Variants in MSR1 observed in about 807,000 individuals in gnomAD.
MSR1 encodes macrophage scavenger receptor types I and II.
In MSR1, 53 loss-of-function variants were observed where a neutral mutation model predicts 47.2. That is an observed-to-expected ratio of 1.12 (90% CI 0.90 to 1.41). The LOEUF (loss-of-function observed/expected upper bound fraction) is 1.41. Among genes scored for constraint, MSR1 ranks in the 40% most tolerant of loss-of-function variants. The pLI, the probability that MSR1 is intolerant of heterozygous loss-of-function variation, is 0.00. For missense variants in MSR1, 786 were observed against 546.9 expected, an observed-to-expected ratio of 1.44 and a Z score of -4.36; for synonymous variants, 239 against 185.6, an observed-to-expected ratio of 1.29 and a Z score of -2.34.
chr8:16,189,593 TTA>T (rs1168015419), intron 1 of MSR1, among the ~76,000 whole-genome samples: 5 of 78,880 alleles, frequency 6.3e-5, no homozygotes, highest in African/African-American at 9.2e-5. Flanking sequence ...TATATATATT[TTA>T]TATATATATA....
intron 5 of MSR1, among the ~76,000 whole-genome samples, chr8:16,156,715 T>C (rs1014143017): frequency 9.2e-5 from 14 of 151,852 alleles, no homozygotes; most frequent in Admixed American, 2.6e-4. Flanking sequence ...ATTTTTTTTT[T>C]CCACATAATC....
intron 8 of MSR1, among the ~76,000 whole-genome samples, chr8:16,134,307 G>A (rs1800337266): frequency 6.6e-6 from 1 of 152,022 alleles, no homozygotes; most frequent in South Asian, 2.1e-4. Context: ...TAATAAGCTA[G>A]CTTGTTTTAG....
At chr8:16,191,214 T>A (rs1004056897) in intron 1 of MSR1, among the ~76,000 whole-genome samples, 8 of 152,136 alleles carry the variant, frequency 5.3e-5, no homozygotes, top group Non-Finnish European at 1.2e-4. Flanking sequence ...TAAGACAGAT[T>A]TTAGTAAGAA....
At position 16,152,921 on chromosome 8, in the gene MSR1, A is replaced by T. The variant is rs189602668; in HGVS notation, c.898+2143T>A. ...CTCAGCACATAGTTTTTGAGTGAAA[A>T]GTGATAGGTCATTCTCCCTAGCATG... On this transcript the variant is annotated intron_variant, in intron 6 of 9. Coordinates refer to ENST00000262101, the MANE Select transcript of MSR1 (RefSeq NM_138715.3). Among the ~76,000 whole-genome samples the T allele has an allele frequency of 1.6e-3, 244 of 152,186 alleles. 2 individuals carry two copies. The Middle Eastern group carries it at 0.031, about 19-fold the overall frequency.
chr8:16,150,173 A>ATAT (rs1554468255), intron 7 of MSR1, 58 bp downstream of exon 7: 7 of 316,878 alleles, frequency 2.2e-5, no homozygotes, highest in African/African-American at 1.3e-4. Flanking sequence ...TATATATATA[A>ATAT]AATTATCTGG....
At chr8:16,153,974 A>G (rs1486891292) in intron 6 of MSR1, among the ~76,000 whole-genome samples, 1 of 151,984 alleles carries the variant, frequency 6.6e-6, no homozygotes, top group Admixed American at 6.6e-5. Context: ...TTGGCATATT[A>G]TATATATGGG....
intron 5 of MSR1, among the ~76,000 whole-genome samples, chr8:16,160,234 T>C (rs1207808704): frequency 6.6e-6 from 1 of 151,942 alleles, no homozygotes; most frequent in Admixed American, 6.6e-5. Context: ...ATAAGAATAA[T>C]TTATACGAGG....
At position 16,155,130 on chromosome 8, in the gene MSR1, G is replaced by C. The variant is rs757821795; in HGVS notation, c.832C>G (p.Pro278Ala). 6.2e-7 allele frequency: 1 copy of C among 1,611,736 alleles called. No individual in the cohort carries two copies. Among genetic ancestry groups the C allele is most frequent in the East Asian group, 2.2e-5 (1 of 44,798 alleles). ...GGACCTCGATCTCCTTTTTCACCCG[G>C]GGGTCCAGGAGGACCTTTAAAAAAA... ...ITLIQGPPGP[P>A]GEKGDRGPTG... is the part of the protein sequence containing the mutation. Residue 278 changes from proline to alanine, a missense_variant, in exon 6 of 10, where the codon CCG (proline) becomes GCG (alanine). Transcript: ENST00000262101.
intron 3 of MSR1, among the ~76,000 whole-genome samples, chr8:16,173,303 A>G (rs1585186314): frequency 6.6e-6 from 1 of 152,214 alleles, no homozygotes; most frequent in South Asian, 2.1e-4. Context: ...GCACGAGCCT[A>G]TCAGAAGCTG....
At chr8:16,179,267 A>C (rs895296857) in intron 1 of MSR1, among the ~76,000 whole-genome samples, 2 of 152,160 alleles carry the variant, frequency 1.3e-5, no homozygotes, top group African/African-American at 4.8e-5. Flanking sequence ...ACAAAAGTCA[A>C]TTTTCCCAGA....
chr8:16,145,355 C>G (rs188983322), intron 7 of MSR1, among the ~76,000 whole-genome samples: 8 of 152,062 alleles, frequency 5.3e-5, no homozygotes, highest in Admixed American at 3.9e-4. Context: ...GGAAAAAGCT[C>G]TAAGAAATTG....
At chr8:16,146,031 T>C (rs1329896897) in intron 7 of MSR1, among the ~76,000 whole-genome samples, 1 of 152,084 alleles carries the variant, frequency 6.6e-6, no homozygotes, top group Non-Finnish European at 1.5e-5. Flanking sequence ...AGAGGGGGTG[T>C]CTTCAATAAC....
intron 3 of MSR1, among the ~76,000 whole-genome samples, chr8:16,173,418 T>A (rs1801546075): frequency 6.6e-6 from 1 of 152,194 alleles, no homozygotes; most frequent in South Asian, 2.1e-4. Context: ...TGAAGCATCA[T>A]TTAGTTATAC....
intron 6 of MSR1, among the ~76,000 whole-genome samples, chr8:16,153,508 T>C (rs1051117168): frequency 6.6e-6 from 1 of 151,994 alleles, no homozygotes; most frequent in Admixed American, 6.6e-5. Flanking sequence ...CAACAAATTA[T>C]GACATCACTT....
chr8:16,157,821 CTGAATG>C (rs1801053128), intron 5 of MSR1, among the ~76,000 whole-genome samples: 1 of 151,892 alleles, frequency 6.6e-6, no homozygotes, highest in Admixed American at 6.6e-5. Context: ...TTAATCTAGT[CTGAATG>C]TGTTTTATCT....
rs185722383 is a variant in MSR1, at chr8:16,155,237, G to A, written c.818-93C>T. 2,634 of 874,750 alleles carry A rather than the reference G, an allele frequency of 3.0e-3. 14 individuals are homozygous for A. The highest frequency in any genetic ancestry group is 4.1e-3 in the Non-Finnish European group (2,193 of 534,850). 54.2% of individuals were successfully genotyped at this position (874,750 alleles called of 1,614,324 possible). On this transcript the variant is annotated intron_variant, in intron 5 of 9. Transcript: ENST00000262101. ...AGGTACTTATATAAGGAAATCCAAA[G>A]TCTTCTATTTGTTGTGCAATAATAT... is the stretch of plus-strand genomic sequence containing the variant.
At chr8:16,111,965 C>T (rs113279335) in intron 9 of MSR1, among the ~76,000 whole-genome samples, 1 of 152,008 alleles carries the variant, frequency 6.6e-6, no homozygotes, top group Non-Finnish European at 1.5e-5. Flanking sequence ...TAGCAAATCT[C>T]CTTTGGTGCC....
At chr8:16,115,851 G>A (rs879338222) in intron 9 of MSR1, among the ~76,000 whole-genome samples, 1 of 152,092 alleles carries the variant, frequency 6.6e-6, no homozygotes, top group African/African-American at 2.4e-5. Flanking sequence ...AGCCAGGTAT[G>A]TGGTGCAGGC....
chr8:16,130,784 C>T (rs1206640567), intron 8 of MSR1, among the ~76,000 whole-genome samples: 1 of 151,782 alleles, frequency 6.6e-6, no homozygotes, highest in Non-Finnish European at 1.5e-5. Context: ...CCTCCAGTTC[C>T]AACCATATTC....
Sources: gnomAD v4.1 joint callset for allele counts (sites outside exome capture counted in the v4.1 genomes callset) on GRCh38, gnomAD v4.1.1 for gene constraint, MANE v1.5 for transcripts, NCBI Gene and HGNC (gene_info 2026-07-23, HGNC 2026-07-21) for gene names.